The following ARIH1 variants were observed in gnomAD, a reference collection of about 807,000 sequenced individuals.
ARIH1 encodes the protein E3 ubiquitin-protein ligase ARIH1.
A neutral mutation model predicts 85.0 loss-of-function variants in ARIH1; 8 were observed. That is an observed-to-expected ratio of 0.09 (90% confidence interval 0.06 to 0.17). ARIH1 has a LOEUF of 0.17. Among genes scored for constraint, ARIH1 ranks in the 10% least tolerant of loss-of-function variants. The probability of loss-of-function intolerance (pLI) is 1.00; values close to 1 mark genes in which losing one functional copy is unlikely to be tolerated. For synonymous variants in ARIH1, 238 were observed against 253.6 expected (o/e 0.94, Z 0.59); for missense variants, 311 against 718.1 (o/e 0.43, Z 6.48).
chr15:72,598,504 A>T lies in ARIH1; in HGVS notation c.*15212A>T, dbSNP rs1157415009. On this transcript the variant is annotated 3_prime_UTR_variant, in exon 14 of 14. Coordinates refer to ENST00000379887, the MANE Select transcript of ARIH1 (RefSeq NM_005744.5). ...CGAGGCAGGTGGATCACCTGAGATC[A>T]GGAGTTTGAGACCAGCCTGGCCAAC... is the stretch of plus-strand genomic sequence containing the variant. The T allele has an allele frequency of 1.3e-5, 2 of 151,926 alleles. No individual in the cohort carries two copies. The highest frequency in any genetic ancestry group is 3.9e-4 in the East Asian group (2 of 5,110). 9.4% of individuals were successfully genotyped at this position (151,926 alleles called of 1,614,324 possible).
intron 2 of ARIH1, among the ~76,000 whole-genome samples, chr15:72,529,869 G>A (rs760367479): frequency 3.5e-4 from 54 of 152,168 alleles, no homozygotes; most frequent in Non-Finnish European, 6.5e-4. Flanking sequence ...TTTAATGCAC[G>A]TTATAAGGGC....
chr15:72,551,052 A>C (rs1567353746), intron 3 of ARIH1, among the ~76,000 whole-genome samples: 1 of 152,186 alleles, frequency 6.6e-6, no homozygotes, highest in Non-Finnish European at 1.5e-5. Flanking sequence ...TTTCTGTCCT[A>C]ACGAGATATT....
Position 72,563,551 on chromosome 15 carries a change from C to A in ARIH1, c.911+51C>A, listed in dbSNP as rs753221218. Reference sequence around the variant, plus strand: ...AATAGTGCACAAAGCGTTTCCATTTCTCCTGTTTATTCTTGGTAGTAAAAT... The same window carrying A: ...AATAGTGCACAAAGCGTTTCCATTTATCCTGTTTATTCTTGGTAGTAAAAT... On this transcript the variant is annotated intron_variant, in intron 7 of 13. Transcript: ENST00000379887. The A allele has an allele frequency of 4.8e-6, 7 of 1,466,638 alleles. No homozygotes were observed. In the East Asian group the frequency reaches 1.6e-4, roughly 33 times the overall value. 90.9% of individuals were successfully genotyped at this position (1,466,638 alleles called of 1,614,324 possible).
At chr15:72,508,397 G>A (rs2063935148) in intron 1 of ARIH1, among the ~76,000 whole-genome samples, 2 of 152,330 alleles carry the variant, frequency 1.3e-5, no homozygotes, top group South Asian at 2.1e-4. Context: ...GTGGCACACC[G>A]AAGTGAATTT....
intron 1 of ARIH1, among the ~76,000 whole-genome samples, chr15:72,476,487 C>T (rs954686965): frequency 2.0e-5 from 3 of 152,170 alleles, no homozygotes; most frequent in African/African-American, 7.2e-5. Flanking sequence ...GCCTCGGCCT[C>T]CCAAGTAGCT....
chr15:72,572,421 AG>A, intron 11 of ARIH1: 2 of 278,760 alleles, frequency 7.2e-6, no homozygotes, highest in Non-Finnish European at 1.3e-5. Context: ...TATTTTTAGT[AG>A]TCAGTCTAGT....
chr15:72,489,447 A>T (rs2063850263), intron 1 of ARIH1, among the ~76,000 whole-genome samples: 1 of 152,168 alleles, frequency 6.6e-6, no homozygotes, highest in African/African-American at 2.4e-5. Context: ...TATCAGTGGC[A>T]CCAAAGTATG....
At chr15:72,562,026 T>A (rs1211213117) in intron 6 of ARIH1, among the ~76,000 whole-genome samples, 1 of 152,118 alleles carries the variant, frequency 6.6e-6, no homozygotes, top group African/African-American at 2.4e-5. Flanking sequence ...AGTAAGTACA[T>A]CTCTCCATAG....
At chr15:72,508,356 G>C (rs962347345) in intron 1 of ARIH1, among the ~76,000 whole-genome samples, 1 of 152,242 alleles carries the variant, frequency 6.6e-6, no homozygotes, top group Non-Finnish European at 1.5e-5. Flanking sequence ...CCAAGAGCTT[G>C]AATTGGCTTT....
chr15:72,568,902 A>G (rs2064232076), intron 9 of ARIH1, among the ~76,000 whole-genome samples: 1 of 152,166 alleles, frequency 6.6e-6, no homozygotes, highest in Non-Finnish European at 1.5e-5. Context: ...TTGTGCAAAT[A>G]CTAATATAGT....
intron 2 of ARIH1, among the ~76,000 whole-genome samples, chr15:72,532,798 C>G (rs2140418270): frequency 6.6e-6 from 1 of 152,220 alleles, no homozygotes; most frequent in East Asian, 1.9e-4. Flanking sequence ...TTGGTTTAAC[C>G]TGAAACAATT....
At chr15:72,482,839 CTTTTTTT>C (rs34753101) in intron 1 of ARIH1, among the ~76,000 whole-genome samples, 1 of 132,182 alleles carries the variant, frequency 7.6e-6, no homozygotes, top group African/African-American at 2.9e-5. Context: ...CTCTCTCTCT[CTTTTTTT>C]TTTTTTTTTT....
chr15:72,474,900 T>C lies in ARIH1; in HGVS notation c.261T>C (p.Gly87=), dbSNP rs1409638917. ...GGGGGGGGGG[G]GGGPGHEQEE... ...GCGGCGGCGGCGGCGGCGGCGGTGG[T>C]GGTGGCGGGCCGGGGCATGAGCAGG... The change falls in exon 1 of 14, where the codon GGT becomes GGC. Residue 87 remains glycine (G), a synonymous_variant. Coordinates refer to ENST00000379887, the MANE Select transcript of ARIH1 (RefSeq NM_005744.5). 2.8e-6 allele frequency: 4 copies of C among 1,441,008 alleles called. No homozygotes were observed. The highest frequency in any genetic ancestry group is 1.5e-5 in the African/African-American group (1 of 67,560). The allele number at this position is 1,441,008 out of a possible 1,614,324, so 89.3% of individuals were successfully genotyped here.
At chr15:72,490,216 C>A (rs1245189882) in intron 1 of ARIH1, among the ~76,000 whole-genome samples, 1 of 147,282 alleles carries the variant, frequency 6.8e-6, no homozygotes, top group Non-Finnish European at 1.5e-5. Flanking sequence ...AAATGTTTTT[C>A]AGGGAATGCT....
chr15:72,510,503 G>C (rs750528317), intron 1 of ARIH1, among the ~76,000 whole-genome samples: 1 of 151,862 alleles, frequency 6.6e-6, no homozygotes, highest in Non-Finnish European at 1.5e-5. Context: ...CCAGCACTTT[G>C]GGAGGCCGAG....
intron 2 of ARIH1, among the ~76,000 whole-genome samples, chr15:72,521,034 G>A (rs147453513): frequency 1.0e-3 from 154 of 151,792 alleles, no homozygotes; most frequent in African/African-American, 3.6e-3. Context: ...TTGTAGAGAT[G>A]GGGTTTCACC....
rs978434680 is a variant in ARIH1 at position 72,584,176 on chromosome 15, G to C, written c.*884G>C. 6.6e-6 allele frequency: 1 copy of C among 152,190 alleles called. No individual in the cohort carries two copies. The highest frequency in any genetic ancestry group is 1.9e-4 in the East Asian group (1 of 5,184). The allele number at this position is 152,190 out of a possible 1,614,324, so 9.4% of individuals were successfully genotyped here. A position where few individuals can be genotyped will look rare whatever the true frequency, so the allele number is the denominator to read the frequency against. On this transcript the variant is annotated 3_prime_UTR_variant, in exon 14 of 14. Coordinates refer to ENST00000379887, the MANE Select transcript of ARIH1 (RefSeq NM_005744.5). ...TTGGTATGTCTGTTGCCGGCCATGG[G>C]CCTCATGCCTTGAATTCCTGCTCTT...
intron 5 of ARIH1, among the ~76,000 whole-genome samples, chr15:72,560,269 G>T (rs1356530551): frequency 6.6e-6 from 1 of 152,156 alleles, no homozygotes; most frequent in Non-Finnish European, 1.5e-5. Flanking sequence ...CTATAAAGTA[G>T]ATGTTTAAGG....
chr15:72,479,170 A>T (rs1171774943), intron 1 of ARIH1, among the ~76,000 whole-genome samples: 1 of 152,154 alleles, frequency 6.6e-6, no homozygotes, highest in Non-Finnish European at 1.5e-5. Context: ...TGCTCACTGC[A>T]GCATTTTGGA....
Sources: gnomAD v4.1 joint callset for allele counts (sites outside exome capture counted in the v4.1 genomes callset) on GRCh38, gnomAD v4.1.1 for gene constraint, MANE v1.5 for transcripts, NCBI Gene and HGNC (gene_info 2026-07-23, HGNC 2026-07-21) for gene names.